ZKSCAN7: variants seen among roughly 807,000 people sequenced by gnomAD.
The protein encoded by ZKSCAN7 is zinc finger with KRAB and SCAN domains 7.
Under a neutral mutation model 65.3 loss-of-function variants are expected in ZKSCAN7, and 38 were observed. The ratio of observed to expected loss-of-function variants is 0.58; its 90% CI spans 0.45 to 0.76. The LOEUF is 0.76. Among genes scored for constraint, ZKSCAN7 ranks in the 30% least tolerant of loss-of-function variants. ZKSCAN7 has a pLI of 0.00. For synonymous variants in ZKSCAN7, 321 were observed against 321.0 expected, an observed-to-expected ratio of 1.00 and a Z score of 0.00; for missense variants, 815 against 913.3, an observed-to-expected ratio of 0.89 and a Z score of 1.39.
At chr3:44,557,833 T>C (rs905694853) in intron 2 of ZKSCAN7, among the ~76,000 whole-genome samples, 2 of 152,176 alleles carry the variant, frequency 1.3e-5, no homozygotes, top group Non-Finnish European at 2.9e-5. Context: ...TTCTCTTTGC[T>C]CACTTCCTTG....
downstream of ZKSCAN7, among the ~76,000 whole-genome samples, chr3:44,573,647 C>T (rs1348622828): frequency 6.6e-6 from 1 of 152,124 alleles, no homozygotes; most frequent in Non-Finnish European, 1.5e-5. Context: ...TTTGGAAGCT[C>T]CCAGATCCCA....
intron 5 of ZKSCAN7, among the ~76,000 whole-genome samples, chr3:44,581,250 C>T (rs1337142378): frequency 2.7e-5 from 4 of 148,386 alleles, no homozygotes; most frequent in Admixed American, 6.7e-5. Context: ...GCCGCCCAGC[C>T]GCCGTGGGCC....
At chr3:44,579,454 C>T (rs1387362368) in intron 5 of ZKSCAN7, among the ~76,000 whole-genome samples, 1 of 152,210 alleles carries the variant, frequency 6.6e-6, no homozygotes, top group African/African-American at 2.4e-5. Flanking sequence ...TGCGGCTCCT[C>T]TTCTGCTCAG....
chr3:44,570,626 C>T lies in ZKSCAN7; in HGVS notation c.1516C>T (p.Arg506Ter), dbSNP rs781484023. Reference sequence around the variant, plus strand: ...CAATGAGTGTGGAGAGGCATTCATTCGAAGCAAAAGTCTTGCTCGACATCA... The same window carrying T: ...CAATGAGTGTGGAGAGGCATTCATTTGAAGCAAAAGTCTTGCTCGACATCA... The part of the protein sequence containing the change: ...ECNECGEAFI[R>*]SKSLARHQVL... The change falls in exon 6 of 6, where the codon CGA becomes TGA. Residue 506 changes from arginine to a stop codon, truncating the protein, a stop_gained. Coordinates refer to ENST00000426540, the MANE Select transcript of ZKSCAN7 (RefSeq NM_001288590.2). LOFTEE classifies it high-confidence loss of function. 21 of 1,613,834 alleles carry T rather than the reference C, an allele frequency of 1.3e-5. No homozygotes were observed. In the South Asian group the frequency reaches 1.5e-4, roughly 12 times the overall value.
intron 5 of ZKSCAN7, among the ~76,000 whole-genome samples, chr3:44,579,127 G>A (rs575010616): frequency 1.2e-4 from 18 of 152,340 alleles, no homozygotes; most frequent in Middle Eastern, 3.4e-3. Flanking sequence ...ACCGCTGCTC[G>A]ATCTCCACGT....
chr3:44,582,813 G>C (rs984731432), intron 5 of ZKSCAN7, among the ~76,000 whole-genome samples: 2 of 152,156 alleles, frequency 1.3e-5, no homozygotes, highest in Non-Finnish European at 2.9e-5. Flanking sequence ...GCTTGAATCA[G>C]AATGAATGGC....
chr3:44,571,388 T>G lies in ZKSCAN7; in HGVS notation c.*13T>G. On this transcript the variant is annotated 3_prime_UTR_variant, in exon 6 of 6. Transcript: ENST00000426540. ...GTCAGTTTCTTAAGGTATGGTTCTC[T>G]GAGACAGAGAGCAACGACCTTTGAG... The G allele has an allele frequency of 6.2e-7, 1 of 1,613,338 alleles. No individual in the cohort carries two copies. Among genetic ancestry groups the G allele is most frequent in the Non-Finnish European group, 8.5e-7 (1 of 1,180,024 alleles).
chr3:44,557,597 G>A (rs1045911159), intron 2 of ZKSCAN7, 127 bp downstream of exon 2: 2 of 1,342,396 alleles, frequency 1.5e-6, no homozygotes, highest in Admixed American at 5.3e-5. Context: ...CTTGTCCTGT[G>A]GATAGAGGGA....
chr3:44,581,414 C>T (rs887026575), intron 5 of ZKSCAN7, among the ~76,000 whole-genome samples: 7 of 152,160 alleles, frequency 4.6e-5, no homozygotes, highest in African/African-American at 1.7e-4. Flanking sequence ...AAAAACCATT[C>T]AGTTGTAGCA....
Position 44,570,599 on chromosome 3 carries a change from T to A in ZKSCAN7, c.1489T>A (p.Cys497Ser). The A allele has an allele frequency of 6.2e-7, 1 of 1,614,048 alleles. No homozygotes were observed. Among genetic ancestry groups the A allele is most frequent in the Non-Finnish European group, 8.5e-7 (1 of 1,180,024 alleles). ...RTHTGEKPYE[C>S]NECGEAFIRS... Reference sequence around the variant, plus strand: ...CCATACTGGGGAGAAACCTTATGAATGCAATGAGTGTGGAGAGGCATTCAT... The same window carrying A: ...CCATACTGGGGAGAAACCTTATGAAAGCAATGAGTGTGGAGAGGCATTCAT... Residue 497 changes from cysteine (C) to serine (S), a missense_variant, in exon 6 of 6, where the codon TGC becomes AGC. Physicochemically the swap from Cys to Ser is moderately radical, Grantham distance 112. This residue lies in a region of ZKSCAN7 where 578 missense variants were observed against 629.5 expected (regional missense o/e 0.92). Transcript: ENST00000426540.
Position 44,571,284 on chromosome 3 carries a change from G to C in ZKSCAN7, c.2174G>C (p.Gly725Ala). Residue 725 changes from glycine to alanine, a missense_variant, in exon 6 of 6, where the codon GGG (glycine) becomes GCG (alanine). Gly to Ala is a moderately conservative substitution (Grantham distance 60). Transcript: ENST00000426540. ...AAACCTTATGAATGTAGTGAATGTG[G>C]GAAAGCCTTTAGTCAGCGTTCCACT... ...GEKPYECSEC[G>A]KAFSQRSTFN... The C allele has an allele frequency of 6.2e-7, 1 of 1,614,202 alleles. No homozygotes were observed. The highest frequency in any genetic ancestry group is 8.5e-7 in the Non-Finnish European group (1 of 1,180,042).
chr3:44,569,873 A>T lies in ZKSCAN7; in HGVS notation c.812-49A>T, dbSNP rs766240928. 4 of 1,489,252 alleles carry T rather than the reference A, an allele frequency of 2.7e-6. No homozygotes were observed. In the African/African-American group the frequency reaches 5.6e-5, roughly 21 times the overall value. 92.3% of individuals were successfully genotyped at this position (1,489,252 alleles called of 1,614,324 possible). The stretch of plus-strand genomic sequence containing the variant: ...TTAGCTCTTAATGATTCTCTTTCTT[A>T]AACAGGATAAGAAATGGGTAAAAGT... On this transcript the variant is annotated intron_variant, in intron 5 of 5. Coordinates refer to ENST00000426540, the MANE Select transcript of ZKSCAN7 (RefSeq NM_001288590.2).
intron 4 of ZKSCAN7, 93 bp from the exon 5 acceptor site, chr3:44,568,214 A>G (rs1485464548): frequency 2.6e-6 from 4 of 1,558,940 alleles, no homozygotes; most frequent in Admixed American, 3.8e-5. Context: ...ACTTTTGCCC[A>G]TGAAGAGCCC....
At chr3:44,572,849 C>CAAAAAAAAAAAAGAAAAAA (rs1699845825), downstream of ZKSCAN7, among the ~76,000 whole-genome samples, 1 of 72,436 alleles carries the variant, frequency 1.4e-5, no homozygotes, top group Non-Finnish European at 2.7e-5. Context: ...GACTCTGTCT[C>CAAAAAAAAAAAAGAAAAAA]AAAAAAAAAA....
In ZKSCAN7 at chr3:44,556,813, A is replaced by G. The variant is rs1449460123; in HGVS notation, c.-118-117A>G. 4 of 593,190 alleles carry G rather than the reference A, an allele frequency of 6.7e-6. No homozygotes were observed. The Admixed American group carries it at 1.3e-4, about 19-fold the overall frequency. 36.7% of individuals were successfully genotyped at this position (593,190 alleles called of 1,614,324 possible). A position where few individuals can be genotyped will look rare whatever the true frequency, so the allele number is the denominator to read the frequency against. ...GGCATCATTTGGAGAGATGCTTACT[A>G]AGAATGCCTGGTTGTGTTCTTTTTT... On this transcript the variant is annotated intron_variant, in intron 1 of 5. Coordinates refer to ENST00000426540, the MANE Select transcript of ZKSCAN7 (RefSeq NM_001288590.2).
Position 44,581,007 on chromosome 3 carries a change from T to G in ZKSCAN7, c.812-1965T>G. ...GTTGGCCTGGAATTTCCTGCACGGGTTCTCCTTGGCTGCCGACATGGTCGG... is the reference window on the plus strand; with the variant it reads ...GTTGGCCTGGAATTTCCTGCACGGGGTCTCCTTGGCTGCCGACATGGTCGG... On this transcript the variant is annotated intron_variant, in intron 5 of 5. Coordinates refer to the ZKSCAN7 transcript ENST00000341840. 1.9e-6 allele frequency: 3 copies of G among 1,605,180 alleles called. No individual in the cohort carries two copies. In the South Asian group the frequency reaches 3.3e-5, roughly 18 times the overall value.
intron 2 of ZKSCAN7, among the ~76,000 whole-genome samples, chr3:44,562,693 T>G (rs1699508923): frequency 6.6e-6 from 1 of 152,216 alleles, no homozygotes; most frequent in African/African-American, 2.4e-5. Flanking sequence ...AAATTTCTTC[T>G]GCTAGAGGGC....
intron 5 of ZKSCAN7, 32 bp from the exon 6 acceptor site, chr3:44,569,890 G>T: frequency 6.6e-7 from 1 of 1,507,986 alleles, no homozygotes; most frequent in Non-Finnish European, 8.8e-7. Context: ...ATAAGAAATG[G>T]GTAAAAGTTG....
Position 44,581,868 on chromosome 3 carries a change from A to G in ZKSCAN7, c.812-1104A>G, listed in dbSNP as rs79986491. 1.7e-3 allele frequency among the ~76,000 whole-genome samples: 266 copies of G among 152,348 alleles called. 1 individual carries two copies. Among genetic ancestry groups the G allele is most frequent in the African/African-American group, 5.2e-3 (215 of 41,582 alleles). ...GAAATGTCAAGAGATGGTGGATGTT[A>G]ACAAGTTATTGAGTACTGTCCCATG... On this transcript the variant is annotated intron_variant, in intron 5 of 5. Coordinates refer to the ZKSCAN7 transcript ENST00000341840.
Sources: gnomAD v4.1 joint callset for allele counts (sites outside exome capture counted in the v4.1 genomes callset) on GRCh38, gnomAD v4.1.1 for gene constraint, gnomAD v4.1.1 regional missense constraint, MANE v1.5 for transcripts, NCBI Gene and HGNC (gene_info 2026-07-23, HGNC 2026-07-21) for gene names.